The following NEK7 variants were observed in gnomAD, a reference collection of about 807,000 sequenced individuals.
NEK7 encodes NIMA related kinase 7.
Under a neutral mutation model 44.6 loss-of-function variants are expected in NEK7, and 18 were observed. The ratio of observed to expected loss-of-function variants is 0.40; its 90% CI spans 0.28 to 0.60. The LOEUF (loss-of-function observed/expected upper bound fraction) is 0.60. Among genes scored for constraint, NEK7 ranks in the 20% least tolerant of loss-of-function variants. The pLI is 0.38. For missense variants in NEK7, 256 were observed against 366.5 expected (o/e 0.70, Z 2.46); for synonymous variants, 130 against 121.1 (o/e 1.07, Z -0.48).
chr1:198,202,732 T>C (rs1665470267), intron 1 of NEK7, among the ~76,000 whole-genome samples: 1 of 152,206 alleles, frequency 6.6e-6, no homozygotes, highest in African/African-American at 2.4e-5. Flanking sequence ...CATCAGATTT[T>C]GTGAGACTTA....
chr1:198,252,540 ATATATATATATATATATATATATATAT>A lies in NEK7; in HGVS notation c.58-499_58-473del, dbSNP rs1424863164. On this transcript the variant is annotated intron_variant, in intron 2 of 9. Coordinates refer to ENST00000367385, the MANE Select transcript of NEK7 (RefSeq NM_133494.3). ...CCTATCTCACATACTATATATATAT[ATATATATATATATATATATATATATAT>A]AAAAAGTACATATATACACATATAT... is the stretch of plus-strand genomic sequence containing the variant. Among the ~76,000 whole-genome samples, 11 of 62,516 alleles carry A rather than the reference ATATATATATATATATATATATATATAT, an allele frequency of 1.8e-4. No homozygotes were observed. In the East Asian group the frequency reaches 4.5e-3, roughly 25 times the overall value. 41.0% of individuals were successfully genotyped at this position (62,516 alleles called of 152,430 possible).
chr1:198,239,024 A>G (rs1305956515), intron 2 of NEK7, among the ~76,000 whole-genome samples: 3 of 152,136 alleles, frequency 2.0e-5, no homozygotes, highest in Non-Finnish European at 4.4e-5. Context: ...TAGCTGTTGA[A>G]TCTGCGAATT....
chr1:198,246,223 A>G (rs1666831222), intron 2 of NEK7, among the ~76,000 whole-genome samples: 1 of 152,192 alleles, frequency 6.6e-6, no homozygotes, highest in African/African-American at 2.4e-5. Flanking sequence ...TTATTTTTAT[A>G]CAAATTGCAG....
chr1:198,219,314 ATATG>A (rs1666018685), intron 1 of NEK7, among the ~76,000 whole-genome samples: 1 of 150,100 alleles, frequency 6.7e-6, no homozygotes, highest in Non-Finnish European at 1.5e-5. Flanking sequence ...ATGTGTATAT[ATATG>A]TGTGTATGTT....
chr1:198,307,311 C>T (rs996470472), intron 9 of NEK7, among the ~76,000 whole-genome samples: 2 of 152,080 alleles, frequency 1.3e-5, no homozygotes, highest in Non-Finnish European at 2.9e-5. Context: ...ATCAATTTTA[C>T]AGCAAATACC....
intron 1 of NEK7, among the ~76,000 whole-genome samples, chr1:198,188,620 C>T (rs984631090): frequency 2.0e-5 from 3 of 152,080 alleles, no homozygotes; most frequent in African/African-American, 7.2e-5. Context: ...GATACTTAGA[C>T]CTTGTAGTTT....
intron 1 of NEK7, among the ~76,000 whole-genome samples, chr1:198,174,358 G>A (rs546042650): frequency 2.0e-5 from 3 of 148,116 alleles, no homozygotes; most frequent in African/African-American, 5.0e-5. Context: ...TTGCATTGAC[G>A]TTTATGCTTG....
intron 1 of NEK7, chr1:198,198,018 A>AG (rs140855901): frequency 0.019 from 28,366 of 1,516,922 alleles, 421 homozygotes; most frequent in African/African-American, 0.065. Context: ...GCACAGGATG[A>AG]GGGGGCCCAC....
At chr1:198,168,511 A>T (rs1009464540) in intron 1 of NEK7, among the ~76,000 whole-genome samples, 2 of 152,172 alleles carry the variant, frequency 1.3e-5, no homozygotes, top group African/African-American at 4.8e-5. Flanking sequence ...TGTTTGAAAG[A>T]TGATCCTGTT....
intron 7 of NEK7, among the ~76,000 whole-genome samples, chr1:198,292,728 C>A (rs1258299364): frequency 1.3e-5 from 2 of 151,828 alleles, no homozygotes; most frequent in African/African-American, 4.8e-5. Context: ...TAAAGTTTAA[C>A]CCACCACATT....
In NEK7 at chr1:198,321,713, A is replaced by C. The variant is rs1655539149; in HGVS notation, c.*2191A>C. The C allele has an allele frequency of 6.6e-6, 1 of 152,150 alleles. No individual in the cohort carries two copies. The highest frequency in any genetic ancestry group is 2.4e-5 in the African/African-American group (1 of 41,458). 9.4% of individuals were successfully genotyped at this position (152,150 alleles called of 1,614,324 possible). Reference sequence around the variant, plus strand: ...CTAAATGTTCATATTTTTCCTGAAGAAACCACTGTGTAAAAATCAAATTTT... The same window carrying C: ...CTAAATGTTCATATTTTTCCTGAAGCAACCACTGTGTAAAAATCAAATTTT... On this transcript the variant is annotated 3_prime_UTR_variant, in exon 10 of 10. Transcript: ENST00000367385.
At chr1:198,185,044 T>G (rs1484841167) in intron 1 of NEK7, among the ~76,000 whole-genome samples, 1 of 152,080 alleles carries the variant, frequency 6.6e-6, no homozygotes, top group Non-Finnish European at 1.5e-5. Flanking sequence ...TTTTGAAAGG[T>G]ACTAGGAAAA....
intron 5 of NEK7, among the ~76,000 whole-genome samples, chr1:198,269,526 C>CT (rs1325534982): frequency 6.6e-6 from 1 of 152,078 alleles, no homozygotes; most frequent in African/African-American, 2.4e-5. Context: ...TTACAAAGGA[C>CT]AGCAGTGAAT....
At chr1:198,158,756 T>TC (rs1242533713) in intron 1 of NEK7, among the ~76,000 whole-genome samples, 1 of 152,176 alleles carries the variant, frequency 6.6e-6, no homozygotes, top group Admixed American at 6.5e-5. Context: ...TAACTTAAAA[T>TC]CTCAGCAGTT....
intron 2 of NEK7, among the ~76,000 whole-genome samples, chr1:198,252,567 T>TATATATATATAA (rs1307124157): frequency 2.0e-5 from 1 of 50,994 alleles, no homozygotes; most frequent in Non-Finnish European, 3.1e-5. Context: ...TATATATATA[T>TATATATATATAA]AAAAAGTACA....
At chr1:198,305,832 C>T (rs1453542823) in intron 9 of NEK7, among the ~76,000 whole-genome samples, 2 of 152,078 alleles carry the variant, frequency 1.3e-5, no homozygotes, top group South Asian at 4.1e-4. Context: ...TTTAGAAACC[C>T]GAGGAATTGG....
At chr1:198,162,329 C>CTACA (rs1324622640) in intron 1 of NEK7, among the ~76,000 whole-genome samples, 10 of 152,292 alleles carry the variant, frequency 6.6e-5, no homozygotes, top group African/African-American at 2.2e-4. Context: ...TTGCCACCAG[C>CTACA]TACAAGCAGT....
At chr1:198,291,588 G>A (rs183571654) in intron 7 of NEK7, among the ~76,000 whole-genome samples, 2 of 151,780 alleles carry the variant, frequency 1.3e-5, no homozygotes, top group Admixed American at 6.6e-5. Context: ...ATTAATTTTT[G>A]TATATTAATA....
chr1:198,187,182 T>C (rs1303962610), intron 1 of NEK7, among the ~76,000 whole-genome samples: 1 of 152,206 alleles, frequency 6.6e-6, no homozygotes, highest in East Asian at 1.9e-4. Context: ...GTCCTCTGGG[T>C]AGTTTAGCCT....
Sources: allele counts gnomAD v4.1 joint callset (sites outside exome capture counted in the v4.1 genomes callset), GRCh38; gene constraint gnomAD v4.1.1; transcripts MANE v1.5; gene names NCBI Gene and HGNC (gene_info 2026-07-23, HGNC 2026-07-21).